IDH2: variants seen among roughly 807,000 people sequenced by gnomAD.
IDH2 encodes the protein isocitrate dehydrogenase (NADP(+)) 2, also known as isocitrate dehydrogenase [NADP], mitochondrial.
In IDH2, 18 loss-of-function variants were observed where a neutral mutation model predicts 50.5. The ratio of observed to expected loss-of-function variants is 0.36; its 90% CI spans 0.25 to 0.53. The LOEUF (loss-of-function observed/expected upper bound fraction) is 0.53, where lower values mean the gene tolerates loss of function less well. Ranked by LOEUF, IDH2 falls within the 20% of genes least tolerant of loss-of-function variation. The pLI, the probability that IDH2 is intolerant of heterozygous loss-of-function variation, is 0.92. For missense variants in IDH2, 518 were observed against 610.7 expected, an observed-to-expected ratio of 0.85 and a Z score of 1.60; for synonymous variants, 280 against 239.8, an observed-to-expected ratio of 1.17 and a Z score of -1.55.
intron 1 of IDH2, among the ~76,000 whole-genome samples, chr15:90,096,916 G>GA (rs1019055715): frequency 3.7e-4 from 52 of 141,368 alleles, no homozygotes; most frequent in East Asian, 1.8e-3. Context: ...ACTCCGTCTC[G>GA]AAAAAAAAAA....
chr15:90,085,490 G>C lies in IDH2; in HGVS notation c.968-103C>G. 1.2e-6 allele frequency: 1 copy of C among 833,676 alleles called. No homozygotes were observed. The highest frequency in any genetic ancestry group is 2.0e-6 in the Non-Finnish European group (1 of 501,828). 51.6% of individuals were successfully genotyped at this position (833,676 alleles called of 1,614,324 possible). A position where few individuals can be genotyped will look rare whatever the true frequency, so the allele number is the denominator to read the frequency against. Reference sequence around the variant, plus strand: ...CCCAATATTGTAGCTGCCATAGTTCGTGGCTCTACTCAGCCTCCCCCAGCT... The same window carrying C: ...CCCAATATTGTAGCTGCCATAGTTCCTGGCTCTACTCAGCCTCCCCCAGCT... On this transcript the variant is annotated intron_variant, in intron 7 of 10. Transcript: ENST00000330062. This position sits in a 1 kb window ranked among gnomAD's most constrained non-coding sequence, Gnocchi z 5.5.
Position 90,087,716 on chromosome 15 carries a change from A to C in IDH2, c.679-141T>G. The C allele has an allele frequency of 3.5e-6, 3 of 851,230 alleles. No homozygotes were observed. In the South Asian group the frequency reaches 4.2e-5, roughly 12 times the overall value. 52.7% of individuals were successfully genotyped at this position (851,230 alleles called of 1,614,324 possible). On this transcript the variant is annotated intron_variant, in intron 5 of 10. Transcript: ENST00000330062. ...GACTGTTTAACACCAGCCTCCGTGC[A>C]GTGCACACGATGTTTCTGCTGGCCC...
At position 90,100,742 on chromosome 15, in the gene IDH2, G is replaced by A. The variant is rs1596082186; in HGVS notation, c.115+1534C>T. ...TATTCTGTCTCCAGCTGCGTTGCCA[G>A]GTAACAAGCTGGCAGAGTCGCAACT... On this transcript the variant is annotated intron_variant, in intron 1 of 10. Transcript: ENST00000330062. The surrounding 1 kb of genome is among the most constrained non-coding windows in gnomAD (Gnocchi z 4.1). 1.3e-6 allele frequency: 1 copy of A among 741,996 alleles called. No homozygotes were observed. The highest frequency in any genetic ancestry group is 1.6e-6 in the Non-Finnish European group (1 of 607,766). 46.0% of individuals were successfully genotyped at this position (741,996 alleles called of 1,614,324 possible).
chr15:90,085,160 TAC>T lies in IDH2; in HGVS notation c.1081-64_1081-63del. On this transcript the variant is annotated intron_variant, in intron 8 of 10. Transcript: ENST00000330062. This position sits in a 1 kb window ranked among gnomAD's most constrained non-coding sequence, Gnocchi z 5.5. ...CCAGCTAGTGAGGAGGCTGCCCAGA[TAC>T]AGCTGCCCGCCCCTGGGCTGGTGGG... is the stretch of plus-strand genomic sequence containing the variant. 1 of 1,562,210 alleles carries T rather than the reference TAC, an allele frequency of 6.4e-7. No homozygotes were observed. The highest frequency in any genetic ancestry group is 8.8e-7 in the Non-Finnish European group (1 of 1,134,820).
rs2151549480 is a variant in IDH2, at chr15:90,088,578, C to A, written c.534+9G>T. ...CAGGTCAGTGGATCCCCTCTCCACC[C>A]TGGCCTACCTGGTCGCCATGGGCGT... On this transcript the variant is annotated intron_variant, in intron 4 of 10. Coordinates refer to ENST00000330062, the MANE Select transcript of IDH2 (RefSeq NM_002168.4). The A allele has an allele frequency of 6.2e-7, 1 of 1,614,212 alleles. No individual in the cohort carries two copies. The highest frequency in any genetic ancestry group is 8.5e-7 in the Non-Finnish European group (1 of 1,180,038).
At chr15:90,086,590 G>A (rs944809406) in intron 7 of IDH2, among the ~76,000 whole-genome samples, 1 of 151,868 alleles carries the variant, frequency 6.6e-6, no homozygotes, top group Non-Finnish European at 1.5e-5. Flanking sequence ...TGCATTTTTA[G>A]TAGAGACGGG....
At position 90,083,732 on chromosome 15, in the gene IDH2, G is replaced by A. The variant is rs1255636114; in HGVS notation, c.*534C>T. The A allele has an allele frequency of 5.2e-6, 1 of 193,514 alleles. No individual in the cohort carries two copies. The highest frequency in any genetic ancestry group is 1.1e-5 in the Non-Finnish European group (1 of 91,268). The allele number at this position is 193,514 out of a possible 1,614,324, so 12.0% of individuals were successfully genotyped here. ...TGATTGACTCTCAGAATGGAGAACT[G>A]GACACAGAAACTGGATCATGCTAGA... On this transcript the variant is annotated 3_prime_UTR_variant, in exon 11 of 11. Coordinates refer to ENST00000330062, the MANE Select transcript of IDH2 (RefSeq NM_002168.4).
chr15:90,097,409 T>TG (rs920815985), intron 1 of IDH2, among the ~76,000 whole-genome samples: 89 of 152,310 alleles, frequency 5.8e-4, no homozygotes, highest in African/African-American at 2.1e-3. Flanking sequence ...AGGTATCCAC[T>TG]GGGGATCTTG....
At chr15:90,086,180 A>G (rs1394888229) in intron 7 of IDH2, among the ~76,000 whole-genome samples, 2 of 152,180 alleles carry the variant, frequency 1.3e-5, no homozygotes, top group African/African-American at 4.8e-5. Context: ...CCAAAGGTTT[A>G]CACAAAGTAA....
chr15:90,096,696 C>T (rs1017559276), intron 1 of IDH2, among the ~76,000 whole-genome samples: 53 of 152,028 alleles, frequency 3.5e-4, no homozygotes, highest in Admixed American at 5.9e-4. Flanking sequence ...GGGTGGATCA[C>T]GAGGTCAGAA....
In IDH2 at chr15:90,085,079, T is replaced by C; in HGVS notation, c.1100A>G (p.Asn367Ser). The C allele has an allele frequency of 3.1e-6, 5 of 1,613,696 alleles. No homozygotes were observed. Among genetic ancestry groups the C allele is most frequent in the Non-Finnish European group, 4.2e-6 (5 of 1,179,926 alleles). ...EHQKGRPTST[N>S]PIASIFAWTR... Reference sequence around the variant, plus strand: ...CCAGGCAAAGATGCTGGCGATGGGGTTGGTGCTGGTGGGCCGGCCCTGGGG... The same window carrying C: ...CCAGGCAAAGATGCTGGCGATGGGGCTGGTGCTGGTGGGCCGGCCCTGGGG... Residue 367 changes from asparagine (N) to serine (S), a missense_variant, in exon 9 of 11, where the codon AAC (asparagine) becomes AGC (serine). Asn to Ser is a conservative substitution (Grantham distance 46). Around this residue, in one of 5 missense-constraint regions of IDH2, gnomAD observed 135 missense variants for 167.6 expected, o/e 0.81. Coordinates refer to ENST00000330062, the MANE Select transcript of IDH2 (RefSeq NM_002168.4). This position sits in a 1 kb window ranked among gnomAD's most constrained non-coding sequence, Gnocchi z 5.5.
In IDH2 at chr15:90,096,887, A is replaced by C. The variant is rs371357649; in HGVS notation, c.116-5243T>G. Reference sequence around the variant, plus strand: ...TGAGATCGCGCCACTGCACTCCAGCATGGGCGAAAGAGAGCAAGACTCCGT... The same window carrying C: ...TGAGATCGCGCCACTGCACTCCAGCCTGGGCGAAAGAGAGCAAGACTCCGT... On this transcript the variant is annotated intron_variant, in intron 1 of 10. Transcript: ENST00000330062. Among the ~76,000 whole-genome samples the C allele has an allele frequency of 1.3e-4, 20 of 152,160 alleles. No individual in the cohort carries two copies. In the East Asian group the frequency reaches 2.5e-3, roughly 19 times the overall value.
chr15:90,101,712 A>G (rs1009770861), intron 1 of IDH2, among the ~76,000 whole-genome samples: 4 of 152,072 alleles, frequency 2.6e-5, no homozygotes, highest in Non-Finnish European at 5.9e-5. Flanking sequence ...CAAAAGGGGA[A>G]AATTAAAAAG....
chr15:90,084,856 T>A lies in IDH2; in HGVS notation c.1231A>T (p.Met411Leu), dbSNP rs763877457. The A allele has an allele frequency of 1.2e-6, 2 of 1,614,054 alleles. No individual in the cohort carries two copies. Among genetic ancestry groups the A allele is most frequent in the African/African-American group, 2.7e-5 (2 of 75,022 alleles). Residue 411 changes from methionine to leucine, a missense_variant, in exon 10 of 11, where the codon ATG becomes TTG. Around this residue, in one of 5 missense-constraint regions of IDH2, gnomAD observed 135 missense variants for 167.6 expected, o/e 0.81. Transcript: ENST00000330062. The surrounding 1 kb of genome is among the most constrained non-coding windows in gnomAD (Gnocchi z 5.0). Reference sequence around the variant, plus strand: ...ATGCAGCCCGCCAGGTCCTTGGTCATGGCTCCACTCTCCACCGTCTCCACG... The same window carrying A: ...ATGCAGCCCGCCAGGTCCTTGGTCAAGGCTCCACTCTCCACCGTCTCCACG... ...VCVETVESGA[M>L]TKDLAGCIHG... is the part of the protein sequence containing the mutation.
chr15:90,098,523 T>TATGTATGCATGCATGTATGTATGC lies in IDH2; in HGVS notation c.115+3752_115+3753insGCATACATACATGCATGCATACAT, dbSNP rs1555462236. Among the ~76,000 whole-genome samples, 3 of 90,146 alleles carry TATGTATGCATGCATGTATGTATGC rather than the reference T, an allele frequency of 3.3e-5. No individual in the cohort carries two copies. Among genetic ancestry groups the TATGTATGCATGCATGTATGTATGC allele is most frequent in the Admixed American group, 1.9e-4 (2 of 10,542 alleles). The allele number at this position is 90,146 out of a possible 152,430, so 59.1% of individuals were successfully genotyped here. ...TATTTTATGTATGTATGTATGTATG[T>TATGTATGCATGCATGTATGTATGC]ATGCATGCATGTATGTATGTATGTA... On this transcript the variant is annotated intron_variant, in intron 1 of 10. Coordinates refer to ENST00000330062, the MANE Select transcript of IDH2 (RefSeq NM_002168.4). This position sits in a 1 kb window ranked among gnomAD's most constrained non-coding sequence, Gnocchi z 5.1.
In IDH2 at chr15:90,084,375, C is replaced by A; in HGVS notation, c.1272-22G>T. ...CACACTGCAGAGAGAGCACCACTCA[C>A]ATCAGGGGTGGCTCCAGGCCTTGCC... On this transcript the variant is annotated intron_variant, in intron 10 of 10. Transcript: ENST00000330062. The surrounding 1 kb of genome is among the most constrained non-coding windows in gnomAD (Gnocchi z 5.0). 1 of 1,607,328 alleles carries A rather than the reference C, an allele frequency of 6.2e-7. No individual in the cohort carries two copies. Among genetic ancestry groups the A allele is most frequent in the Admixed American group, 1.7e-5 (1 of 59,572 alleles).
intron 1 of IDH2, among the ~76,000 whole-genome samples, chr15:90,099,146 T>C (rs1901264864): frequency 6.6e-6 from 1 of 152,026 alleles, no homozygotes; most frequent in Non-Finnish European, 1.5e-5. Context: ...CCCGATAAGA[T>C]GGAAATCAGG....
intron 5 of IDH2, 116 bp from the exon 6 acceptor site, chr15:90,087,691 G>T (rs941738910): frequency 1.7e-6 from 2 of 1,189,646 alleles, no homozygotes; most frequent in South Asian, 2.5e-5. Context: ...CCGCCCACGC[G>T]ACTGTTTAAC....
At position 90,088,662 on chromosome 15, in the gene IDH2, G is replaced by A. The variant is rs2151549687; in HGVS notation, c.459C>T (p.Ile153=). ...LGGTVFREPI[I]CKNIPRLVPG... is the part of the protein sequence containing the mutation. ...GGACTAGGCGTGGGATGTTTTTGCA[G>A]ATGATGGGCTCCCGGAAGACAGTCC... The change falls in exon 4 of 11, where the codon ATC becomes ATT. Residue 153 remains isoleucine (I), a synonymous_variant. Transcript: ENST00000330062. The A allele has an allele frequency of 6.2e-7, 1 of 1,614,204 alleles. No homozygotes were observed. Among genetic ancestry groups the A allele is most frequent in the Non-Finnish European group, 8.5e-7 (1 of 1,180,040 alleles).
Sources: gnomAD v4.1 joint callset for allele counts (sites outside exome capture counted in the v4.1 genomes callset) on GRCh38, gnomAD v4.1.1 for gene constraint, gnomAD v4.1.1 regional missense constraint, Gnocchi (gnomAD v3.1) non-coding constraint, MANE v1.5 for transcripts, NCBI Gene and HGNC (gene_info 2026-07-23, HGNC 2026-07-21) for gene names.